MLIP: variants seen among roughly 807,000 people sequenced by gnomAD.
MLIP encodes the protein muscular LMNA interacting protein.
A neutral mutation model predicts 84.8 loss-of-function variants in MLIP; 79 were observed. That is an observed-to-expected ratio of 0.93 (90% CI 0.78 to 1.12). The LOEUF is 1.12. Among genes scored for constraint, MLIP ranks in the 50% most tolerant of loss-of-function variants. The pLI is 0.00. For missense variants in MLIP, 1,257 were observed against 1,160.6 expected (o/e 1.08, Z -1.21); for synonymous variants, 504 against 463.0 (o/e 1.09, Z -1.14).
At chr6:54,023,031 G>A (rs2150263823) in intron 1 of MLIP, among the ~76,000 whole-genome samples, 1 of 152,114 alleles carries the variant, frequency 6.6e-6, no homozygotes, top group East Asian at 1.9e-4. Context: ...GCCGGGCGTG[G>A]TGGCAGGCAC....
chr6:54,084,066 T>C (rs970834028), intron 1 of MLIP, among the ~76,000 whole-genome samples: 1 of 152,214 alleles, frequency 6.6e-6, no homozygotes, highest in Non-Finnish European at 1.5e-5. Flanking sequence ...CAACATGTAA[T>C]TCTAATTTCT....
At chr6:54,237,433 G>A (rs1781438944) in intron 12 of MLIP, among the ~76,000 whole-genome samples, 1 of 152,138 alleles carries the variant, frequency 6.6e-6, no homozygotes, top group South Asian at 2.1e-4. Context: ...TAAGGACTGA[G>A]AAGGTATATG....
intron 13 of MLIP, among the ~76,000 whole-genome samples, chr6:54,261,042 A>C (rs891603988): frequency 6.6e-6 from 1 of 152,058 alleles, no homozygotes; most frequent in Admixed American, 6.6e-5. Context: ...TACTGTTCAC[A>C]CCAATGCAGT....
intron 1 of MLIP, among the ~76,000 whole-genome samples, chr6:54,055,485 G>A (rs1316865887): frequency 1.3e-5 from 2 of 152,046 alleles, no homozygotes; most frequent in East Asian, 3.9e-4. Context: ...CTCTTATTGG[G>A]CACATAGTTA....
At chr6:54,052,384 A>G (rs1765426003) in intron 1 of MLIP, among the ~76,000 whole-genome samples, 1 of 152,198 alleles carries the variant, frequency 6.6e-6, no homozygotes, top group Admixed American at 6.5e-5. Context: ...CTGTTGTTCA[A>G]CCATCTACTG....
chr6:54,245,296 A>G (rs1275918506), intron 12 of MLIP, among the ~76,000 whole-genome samples: 1 of 152,200 alleles, frequency 6.6e-6, no homozygotes, highest in East Asian at 1.9e-4. Flanking sequence ...TGAGAGGGGC[A>G]AAGAGCTGAG....
intron 12 of MLIP, among the ~76,000 whole-genome samples, chr6:54,243,714 T>C (rs989327532): frequency 1.3e-5 from 2 of 152,172 alleles, no homozygotes; most frequent in African/African-American, 4.8e-5. Context: ...CCCTAACGTC[T>C]ATCAATAAAG....
intron 5 of MLIP, among the ~76,000 whole-genome samples, chr6:54,156,824 A>G (rs1774081782): frequency 6.6e-6 from 1 of 152,120 alleles, no homozygotes. Context: ...CTGTAGTCTA[A>G]TAGGACAAAT....
intron 9 of MLIP, among the ~76,000 whole-genome samples, chr6:54,184,030 A>G (rs1777155428): frequency 6.6e-6 from 1 of 152,146 alleles, no homozygotes; most frequent in Non-Finnish European, 1.5e-5. Flanking sequence ...ATCATTTTAT[A>G]ATTTTATATG....
At chr6:54,227,731 A>G (rs1210541276) in intron 11 of MLIP, among the ~76,000 whole-genome samples, 1 of 152,240 alleles carries the variant, frequency 6.6e-6, no homozygotes, top group African/African-American at 2.4e-5. Context: ...CTGGAATTTC[A>G]TATTCAAACA....
rs1444993514 is a variant in MLIP, at chr6:54,240,827, T to A, written c.2922+9910T>A. 2.0e-5 allele frequency among the ~76,000 whole-genome samples: 3 copies of A among 152,018 alleles called. No homozygotes were observed. The East Asian group carries it at 5.8e-4, about 30-fold the overall frequency. ...CCATCTCTACTAAAAATAGAAAAAA[T>A]GAGCTGGGCGTGGTGGCACGCACCT... On this transcript the variant is annotated intron_variant, in intron 12 of 13. Coordinates refer to ENST00000502396, the MANE Select transcript of MLIP (RefSeq NM_001281747.2).
chr6:54,211,712 G>C (rs1779464895), intron 11 of MLIP, among the ~76,000 whole-genome samples: 1 of 152,186 alleles, frequency 6.6e-6, no homozygotes, highest in African/African-American at 2.4e-5. Flanking sequence ...GCATTTAGTA[G>C]GTGGCGGCCA....
intron 9 of MLIP, among the ~76,000 whole-genome samples, chr6:54,176,367 C>T (rs188836970): frequency 5.9e-5 from 9 of 151,848 alleles, no homozygotes; most frequent in East Asian, 5.8e-4. Context: ...CACTGGGTCC[C>T]GGGCTTTGCT....
intron 1 of MLIP, among the ~76,000 whole-genome samples, chr6:54,020,825 C>T (rs1054636176): frequency 3.3e-5 from 5 of 152,042 alleles, no homozygotes; most frequent in Admixed American, 2.0e-4. Context: ...GGAAATATGG[C>T]GGCACATCAG....
At chr6:54,226,720 A>G (rs1296455371) in intron 11 of MLIP, among the ~76,000 whole-genome samples, 1 of 151,548 alleles carries the variant, frequency 6.6e-6, no homozygotes, top group African/African-American at 2.5e-5. Context: ...CAATATTTTT[A>G]CAGATAGATA....
At chr6:54,231,770 C>CAT (rs1781020369) in intron 12 of MLIP, among the ~76,000 whole-genome samples, 1 of 152,224 alleles carries the variant, frequency 6.6e-6, no homozygotes, top group Admixed American at 6.5e-5. Context: ...CAGTTAAATA[C>CAT]ATCTCTATAC....
At chr6:54,187,100 A>G (rs1168052599) in intron 9 of MLIP, among the ~76,000 whole-genome samples, 1 of 152,158 alleles carries the variant, frequency 6.6e-6, no homozygotes, top group Admixed American at 6.5e-5. Context: ...CAGGACTCCA[A>G]ACCTATGACA....
rs1782709820 is a variant in MLIP, at chr6:54,252,539, A to G, written c.2923-4769A>G. On this transcript the variant is annotated intron_variant, in intron 12 of 13. Coordinates refer to ENST00000502396, the MANE Select transcript of MLIP (RefSeq NM_001281747.2). ...CATATAATATATAATATAGATAATG[A>G]TAATAAATATAACCTATAACATATT... 4.1e-5 allele frequency among the ~76,000 whole-genome samples: 6 copies of G among 144,980 alleles called. No individual in the cohort carries two copies. The South Asian group carries it at 1.1e-3, about 25-fold the overall frequency.
chr6:54,183,773 T>C, intron 9 of MLIP, among the ~76,000 whole-genome samples: 1 of 122,076 alleles, frequency 8.2e-6, no homozygotes, highest in Non-Finnish European at 1.6e-5. Context: ...TGAGACAGAG[T>C]CTCTCTCTGT....
Sources: gnomAD v4.1 joint callset for allele counts (sites outside exome capture counted in the v4.1 genomes callset) on GRCh38, gnomAD v4.1.1 for gene constraint, MANE v1.5 for transcripts, NCBI Gene and HGNC (gene_info 2026-07-23, HGNC 2026-07-21) for gene names.